DISP3: variants seen among roughly 807,000 people sequenced by gnomAD.
The protein encoded by DISP3 is dispatched RND transporter family member 3, also known as protein dispatched homolog 3.
DISP3 carries 101 observed loss-of-function variants against 135.3 expected under a neutral mutation model. The observed-to-expected ratio is 0.75, with a 90% CI of 0.64 to 0.88. The LOEUF (loss-of-function observed/expected upper bound fraction) is 0.88. Ranked by LOEUF, DISP3 falls within the 40% of genes least tolerant of loss-of-function variation. The pLI, the probability that DISP3 is intolerant of heterozygous loss-of-function variation, is 0.00. For synonymous variants in DISP3, 856 were observed against 817.0 expected (o/e 1.05, Z -0.81); for missense variants, 1,713 against 1,878.6 (o/e 0.91, Z 1.63).
rs780496162 is a variant in DISP3 at position 11,529,816 on chromosome 1, G to A, written c.2959G>A (p.Gly987Ser). The A allele has an allele frequency of 6.8e-6, 11 of 1,613,718 alleles. No individual in the cohort carries two copies. The highest frequency in any genetic ancestry group is 5.1e-6 in the Non-Finnish European group (6 of 1,179,998). The stretch of plus-strand genomic sequence containing the variant: ...CAAGGCCCGTCTCTCAGCCACCTTC[G>A]GCTTCAACCCCTGCGTGAACACGGG... ...VPKARLSATF[G>S]FNPCVNTGCG... Residue 987 changes from glycine (G) to serine (S), a missense_variant, in exon 15 of 21, where the codon GGC becomes AGC. Physicochemically the swap from Gly to Ser is moderately conservative, Grantham distance 56. This residue lies in a region of DISP3 where 1,142 missense variants were observed against 1,384.6 expected (regional missense o/e 0.82). Coordinates refer to ENST00000294484, the MANE Select transcript of DISP3 (RefSeq NM_020780.2). The surrounding 1 kb of genome is among the most constrained non-coding windows in gnomAD (Gnocchi z 4.7).
intron 7 of DISP3, 127 bp downstream of exon 7, chr1:11,517,729 G>A (rs1470220179): frequency 1.6e-6 from 2 of 1,260,518 alleles, no homozygotes; most frequent in African/African-American, 1.5e-5. Flanking sequence ...AGGGAACAGG[G>A]AAGGAGAAGA....
At chr1:11,492,511 G>C (rs1015960097) in intron 1 of DISP3, among the ~76,000 whole-genome samples, 1 of 152,170 alleles carries the variant, frequency 6.6e-6, no homozygotes, top group African/African-American at 2.4e-5. Context: ...CTGAGAAATG[G>C]GGGGCTTGGA....
chr1:11,512,400 C>T (rs1641881486), intron 3 of DISP3, among the ~76,000 whole-genome samples: 1 of 152,188 alleles, frequency 6.6e-6, no homozygotes, highest in Non-Finnish European at 1.5e-5. Context: ...GCCAGATACC[C>T]TGAATCATCT....
Position 11,535,641 on chromosome 1 carries a change from C to T in DISP3, c.3813C>T (p.Ala1271=), listed in dbSNP as rs768527219. The change falls in exon 20 of 21, where the codon GCC becomes GCT. Residue 1271 remains alanine (A), a synonymous_variant. Transcript: ENST00000294484. The stretch of plus-strand genomic sequence containing the variant: ...GAGAGAACCTGCCCCCCCACCAGGC[C>T]GAGGTGCGCACCCTGCCCGCCTTAC... ...LAGENLPPHQ[A]EDARTQRQWR... is the part of the protein sequence containing the mutation. 1.4e-5 allele frequency: 22 copies of T among 1,611,054 alleles called. No homozygotes were observed. Among genetic ancestry groups the T allele is most frequent in the African/African-American group, 4.0e-5 (3 of 74,990 alleles).
rs994391591 is a variant in DISP3 at position 11,536,091 on chromosome 1, A to G, written c.3817-233A>G. Among the ~76,000 whole-genome samples, 1 of 152,196 alleles carries G rather than the reference A, an allele frequency of 6.6e-6. No homozygotes were observed. The highest frequency in any genetic ancestry group is 2.1e-4 in the South Asian group (1 of 4,832). On this transcript the variant is annotated intron_variant, in intron 20 of 20. Coordinates refer to ENST00000294484, the MANE Select transcript of DISP3 (RefSeq NM_020780.2). This position sits in a 1 kb window ranked among gnomAD's most constrained non-coding sequence, Gnocchi z 4.3. ...TTGCGTTGGTGTGAAAACATTCACA[A>G]ATGTGTAAAGATCAACTCAGTTACA...
chr1:11,528,668 C>A (rs1642493331), intron 13 of DISP3, among the ~76,000 whole-genome samples: 1 of 152,194 alleles, frequency 6.6e-6, no homozygotes, highest in African/African-American at 2.4e-5. Context: ...ACTGTGGTCT[C>A]TGACAGAACT....
At chr1:11,485,115 C>T (rs55869947) in intron 1 of DISP3, among the ~76,000 whole-genome samples, 81 of 152,250 alleles carry the variant, frequency 5.3e-4, no homozygotes, top group Middle Eastern at 3.4e-3. Flanking sequence ...TCCCACCCCC[C>T]AGGACCTCTA....
Position 11,501,044 on chromosome 1 carries a change from C to T in DISP3, c.52C>T (p.Gln18Ter). 6.2e-7 allele frequency: 1 copy of T among 1,613,892 alleles called. No homozygotes were observed. The highest frequency in any genetic ancestry group is 8.5e-7 in the Non-Finnish European group (1 of 1,179,992). ...GCAGGATGTGTGGCTAGAGGAGGAGCAGGAGGAGGAAGAAGCAACGGGTGA... is the reference window on the plus strand; with the variant it reads ...GCAGGATGTGTGGCTAGAGGAGGAGTAGGAGGAGGAAGAAGCAACGGGTGA... ...LLQDVWLEEEQEEEEATGETF... is the reference protein window; with the variant it reads ...LLQDVWLEEE The change falls in exon 2 of 21, where the codon CAG (glutamine) becomes TAG (stop). Residue 18 changes from glutamine to a stop codon, truncating the protein, a stop_gained. Transcript: ENST00000294484. LOFTEE classifies it high-confidence loss of function. This position sits in a 1 kb window ranked among gnomAD's most constrained non-coding sequence, Gnocchi z 4.9.
chr1:11,532,244 C>T (rs945503541), intron 17 of DISP3, among the ~76,000 whole-genome samples: 1 of 152,212 alleles, frequency 6.6e-6, no homozygotes, highest in Non-Finnish European at 1.5e-5. Context: ...TGGGGACTCT[C>T]GGCCCTGGCA....
At chr1:11,507,474 C>A (rs1641738774) in intron 3 of DISP3, among the ~76,000 whole-genome samples, 1 of 152,254 alleles carries the variant, frequency 6.6e-6, no homozygotes, top group South Asian at 2.1e-4. Context: ...CAGCCCCAGA[C>A]TTCTGCAGAA....
chr1:11,502,539 G>T, intron 2 of DISP3, 139 bp from the exon 3 acceptor site: 1 of 690,124 alleles, frequency 1.4e-6, no homozygotes, highest in Non-Finnish European at 2.4e-6. Context: ...GAGGTTGTGG[G>T]GCCTGGGGTG....
rs1641983509 is a variant in DISP3, at chr1:11,515,484, C to G, written c.1569C>G (p.Ala523=). Residue 523 remains alanine, a synonymous_variant, in exon 5 of 21, where the codon GCC becomes GCG. Coordinates refer to ENST00000294484, the MANE Select transcript of DISP3 (RefSeq NM_020780.2). ...QYLGILNGVA[A]FVIVGIGVDD... is the part of the protein sequence containing the mutation. ...TGGGCATCCTGAATGGGGTGGCCGC[C>G]TTCGTGATCGTGGGCATTGGTGAGT... 3 of 1,609,306 alleles carry G rather than the reference C, an allele frequency of 1.9e-6. No homozygotes were observed. In the South Asian group the frequency reaches 3.3e-5, roughly 18 times the overall value.
intron 17 of DISP3, among the ~76,000 whole-genome samples, chr1:11,534,059 C>A (rs1322422695): frequency 6.6e-6 from 1 of 152,152 alleles, no homozygotes; most frequent in African/African-American, 2.4e-5. Context: ...CCAGAAAGCC[C>A]TGAAGGATGA....
At chr1:11,486,786 T>C (rs932804725) in intron 1 of DISP3, among the ~76,000 whole-genome samples, 9 of 152,070 alleles carry the variant, frequency 5.9e-5, no homozygotes, top group Admixed American at 5.9e-4. Flanking sequence ...CAAGCAATCC[T>C]CCCCCGTCAG....
At chr1:11,479,412 C>G (rs957643202) in intron 1 of DISP3, 40 bp downstream of exon 1, 7 of 152,854 alleles carry the variant, frequency 4.6e-5, no homozygotes, top group African/African-American at 1.7e-4. Flanking sequence ...GGCTTGGTCT[C>G]GGGGCTGGGG....
chr1:11,521,118 G>A (rs1338635260), intron 10 of DISP3, among the ~76,000 whole-genome samples: 1 of 152,108 alleles, frequency 6.6e-6, no homozygotes, highest in Admixed American at 6.6e-5. Context: ...CCCGGTCACT[G>A]TAATAGTAGA....
At chr1:11,526,908 CTCTT>C (rs1642437277) in intron 13 of DISP3, 73 bp downstream of exon 13, 1 of 1,494,816 alleles carries the variant, frequency 6.7e-7, no homozygotes, top group South Asian at 1.2e-5. Context: ...TCTTTTCTCT[CTCTT>C]TTCACATGAG....
In DISP3 at chr1:11,534,341, A is replaced by T. The variant is rs749380368; in HGVS notation, c.3376-40A>T. 5.0e-6 allele frequency: 8 copies of T among 1,612,514 alleles called. No individual in the cohort carries two copies. The East Asian group carries it at 1.8e-4, about 36-fold the overall frequency. ...TGCCTGGGAAGGGCGGGTGGGCCAC[A>T]GTCCCTGCCTGTCTCACTAGCTCAC... is the stretch of plus-strand genomic sequence containing the variant. On this transcript the variant is annotated intron_variant, in intron 17 of 20. Coordinates refer to ENST00000294484, the MANE Select transcript of DISP3 (RefSeq NM_020780.2).
At position 11,516,190 on chromosome 1, in the gene DISP3, G is replaced by A; in HGVS notation, c.1749+29G>A. On this transcript the variant is annotated intron_variant, in intron 6 of 20. Transcript: ENST00000294484. The surrounding 1 kb of genome is among the most constrained non-coding windows in gnomAD (Gnocchi z 5.1). ...CGGACCTGTCCTCCATTCCTGTCCT[G>A]GCCTCCCACACGCTCATGCATACCT... 1 of 1,607,284 alleles carries A rather than the reference G, an allele frequency of 6.2e-7. No homozygotes were observed. The highest frequency in any genetic ancestry group is 1.1e-5 in the South Asian group (1 of 89,858).
Sources: allele counts gnomAD v4.1 joint callset (sites outside exome capture counted in the v4.1 genomes callset), GRCh38; gene constraint gnomAD v4.1.1; regional missense constraint gnomAD v4.1.1; non-coding constraint Gnocchi (gnomAD v3.1); transcripts MANE v1.5; gene names NCBI Gene and HGNC (gene_info 2026-07-23, HGNC 2026-07-21).